PSD3: variants seen among roughly 807,000 people sequenced by gnomAD.
The protein encoded by PSD3 is pleckstrin and Sec7 domain containing 3.
Under a neutral mutation model 105.5 loss-of-function variants are expected in PSD3, and 49 were observed. The observed-to-expected ratio is 0.46, with a 90% CI of 0.37 to 0.59. The LOEUF is 0.59. Ranked by LOEUF, PSD3 falls within the 20% of genes least tolerant of loss-of-function variation. The pLI is 0.00. For missense variants in PSD3, 1,561 were observed against 1,263.8 expected (o/e 1.24, Z -3.57); for synonymous variants, 557 against 457.8 (o/e 1.22, Z -2.77).
intron 1 of PSD3, among the ~76,000 whole-genome samples, chr8:19,049,220 A>G (rs1342378019): frequency 1.3e-5 from 2 of 152,224 alleles, no homozygotes; most frequent in African/African-American, 4.8e-5. Context: ...GACACAAGTC[A>G]TCCCATAATA....
chr8:18,645,866 G>A (rs1470933592), intron 10 of PSD3, among the ~76,000 whole-genome samples: 1 of 152,104 alleles, frequency 6.6e-6, no homozygotes, highest in East Asian at 1.9e-4. Context: ...AATATCTCGT[G>A]CAAATAATTT....
chr8:18,637,621 A>G (rs747064047), intron 10 of PSD3, among the ~76,000 whole-genome samples: 1 of 152,136 alleles, frequency 6.6e-6, no homozygotes, highest in Non-Finnish European at 1.5e-5. Flanking sequence ...TTTGTTCCCT[A>G]CCATTGTAAA....
At chr8:18,916,297 GATATATATATATATAT>G (rs71218908) in intron 2 of PSD3, among the ~76,000 whole-genome samples, 2,537 of 30,966 alleles carry the variant, frequency 0.082, 146 homozygotes, top group Non-Finnish European at 0.1. Flanking sequence ...TAAAAAAAGT[GATATATATATATATAT>G]ATATATATAT....
At chr8:18,670,768 G>A (rs1421361674) in intron 9 of PSD3, among the ~76,000 whole-genome samples, 2 of 152,100 alleles carry the variant, frequency 1.3e-5, no homozygotes, top group Non-Finnish European at 2.9e-5. Context: ...TTTTGTGGGG[G>A]AAAAATGTGT....
In PSD3 at chr8:18,572,539, T is replaced by C; in HGVS notation, c.2773A>G (p.Lys925Glu). 1 of 1,613,860 alleles carries C rather than the reference T, an allele frequency of 6.2e-7. No individual in the cohort carries two copies. Among genetic ancestry groups the C allele is most frequent in the Non-Finnish European group, 8.5e-7 (1 of 1,179,804 alleles). The change falls in exon 14 of 16, where the codon AAA (lysine) becomes GAA (glutamate). Residue 925 changes from lysine (K) to glutamate (E), a missense_variant. Coordinates refer to ENST00000327040, the MANE Select transcript of PSD3 (RefSeq NM_015310.4). ...ATCAAGATGATTACCTGAGACAGTTTTGTTGTAGTGGCAGGCAGAAGTGGG... is the reference window on the plus strand; with the variant it reads ...ATCAAGATGATTACCTGAGACAGTTCTGTTGTAGTGGCAGGCAGAAGTGGG... The part of the protein sequence containing the change: ...SRPLLPATTT[K>E]LSQEEQLKSH...
chr8:19,008,989 G>A (rs74556220), intron 1 of PSD3, among the ~76,000 whole-genome samples: 2,769 of 152,276 alleles, frequency 0.018, 84 homozygotes, highest in African/African-American at 0.063. Context: ...CTGAGGTGAT[G>A]CAATTAGAAA....
chr8:18,887,880 G>C (rs1261133053), intron 2 of PSD3, among the ~76,000 whole-genome samples: 1 of 152,186 alleles, frequency 6.6e-6, no homozygotes, highest in East Asian at 1.9e-4. Flanking sequence ...ATACTAAGCA[G>C]TTTTATTGTA....
At chr8:18,963,193 C>T (rs1322610166) in intron 1 of PSD3, among the ~76,000 whole-genome samples, 1 of 152,126 alleles carries the variant, frequency 6.6e-6, no homozygotes, top group East Asian at 1.9e-4. Context: ...GGGGGAACCG[C>T]CCCCATGATT....
intron 9 of PSD3, among the ~76,000 whole-genome samples, chr8:18,745,171 G>T (rs565226576): frequency 6.6e-6 from 1 of 152,094 alleles, no homozygotes; most frequent in Non-Finnish European, 1.5e-5. Context: ...CCCTCATAAT[G>T]AATAAATATC....
Position 18,531,439 on chromosome 8 carries a change from A to G in PSD3, c.*4304T>C, listed in dbSNP as rs117985629. On this transcript the variant is annotated 3_prime_UTR_variant, in exon 16 of 16. Transcript: ENST00000327040. ...TTCCTTTATGGATGAGAGATGGAAA[A>G]GGAATCTGAGAGAAAAATCAGTGAC... The G allele has an allele frequency of 0.02, 2,923 of 149,594 alleles. 30 individuals carry two copies. The highest frequency in any genetic ancestry group is 0.028 in the Non-Finnish European group (1,901 of 67,264). The allele number at this position is 149,594 out of a possible 1,614,324, so 9.3% of individuals were successfully genotyped here.
At chr8:18,768,765 G>C (rs1329686121) in intron 8 of PSD3, among the ~76,000 whole-genome samples, 1 of 152,070 alleles carries the variant, frequency 6.6e-6, no homozygotes, top group African/African-American at 2.4e-5. Flanking sequence ...TCCCATTCAA[G>C]CTGTCTAAAT....
At chr8:19,048,652 C>T (rs1227304314) in intron 1 of PSD3, among the ~76,000 whole-genome samples, 1 of 152,166 alleles carries the variant, frequency 6.6e-6, no homozygotes, top group Non-Finnish European at 1.5e-5. Context: ...TAGAGATACA[C>T]TTTGCCTGTG....
chr8:18,612,408 C>T (rs1805332071), intron 11 of PSD3, among the ~76,000 whole-genome samples: 2 of 151,590 alleles, frequency 1.3e-5, no homozygotes, highest in South Asian at 4.2e-4. Context: ...GAGTCTTGCT[C>T]TGTTGCCAGA....
At chr8:18,688,118 G>T (rs904618551) in intron 9 of PSD3, among the ~76,000 whole-genome samples, 1 of 151,882 alleles carries the variant, frequency 6.6e-6, no homozygotes, top group Non-Finnish European at 1.5e-5. Context: ...CTGTTCTGTC[G>T]CTCAGGCTGG....
intron 10 of PSD3, among the ~76,000 whole-genome samples, chr8:18,639,755 G>C (rs1807509055): frequency 1.3e-5 from 2 of 152,118 alleles, no homozygotes; most frequent in Admixed American, 6.6e-5. Context: ...AAGCCCATTT[G>C]TGGCATTTTG....
chr8:18,868,042 C>G lies in PSD3; in HGVS notation c.1266G>C (p.Lys422Asn), dbSNP rs755344151. The G allele has an allele frequency of 6.2e-7, 1 of 1,610,622 alleles. No individual in the cohort carries two copies. The highest frequency in any genetic ancestry group is 1.3e-5 in the African/African-American group (1 of 74,920). The change falls in exon 4 of 16, where the codon AAG becomes AAC. Residue 422 changes from lysine to asparagine, a missense_variant. Lys to Asn is a moderately conservative substitution (Grantham distance 94). Coordinates refer to ENST00000327040, the MANE Select transcript of PSD3 (RefSeq NM_015310.4). ...GCCCAAGGATGTCTTCATCTTCCCC[C>G]TTAACGTGCTCCTCTTGTTCGCTGA... ...ERISEQEEHV[K>N]GEDEDILGPG... is the part of the protein sequence containing the mutation.
At chr8:19,073,323 G>A (rs1231564871) in intron 1 of PSD3, among the ~76,000 whole-genome samples, 1 of 152,080 alleles carries the variant, frequency 6.6e-6, no homozygotes, top group Admixed American at 6.5e-5. Context: ...GGCCAAGGCG[G>A]GCGGATCACT....
intron 10 of PSD3, among the ~76,000 whole-genome samples, chr8:18,635,437 T>C (rs1004777606): frequency 6.6e-6 from 1 of 152,132 alleles, no homozygotes; most frequent in Non-Finnish European, 1.5e-5. Flanking sequence ...ACAACCATTG[T>C]CTTGTAAAAT....
At chr8:18,821,604 A>G (rs6981676) in intron 4 of PSD3, among the ~76,000 whole-genome samples, 56,285 of 151,576 alleles carry the variant, frequency 0.37, 11,549 homozygotes, top group Middle Eastern at 0.51. Flanking sequence ...GGAAATGAAC[A>G]ATATTCCAGC....
Sources: allele counts gnomAD v4.1 joint callset (sites outside exome capture counted in the v4.1 genomes callset), GRCh38; gene constraint gnomAD v4.1.1; transcripts MANE v1.5; gene names NCBI Gene and HGNC (gene_info 2026-07-23, HGNC 2026-07-21).